PCDHGA4: variants seen among roughly 807,000 people sequenced by gnomAD.
PCDHGA4 encodes protocadherin gamma-A4.
A neutral mutation model predicts 54.6 loss-of-function variants in PCDHGA4; 38 were observed. That is an observed-to-expected ratio of 0.70 (90% CI 0.54 to 0.91). The LOEUF (loss-of-function observed/expected upper bound fraction) is 0.91, where lower values mean the gene tolerates loss of function less well. PCDHGA4 is among the 40% of genes least tolerant of loss of function. The pLI is 0.00. For missense variants in PCDHGA4, 1,298 were observed against 1,220.9 expected (o/e 1.06, Z -0.94); for synonymous variants, 511 against 512.9 (o/e 1.00, Z 0.05).
chr5:141,438,983 T>C (rs1296267457), intron 1 of PCDHGA4, among the ~76,000 whole-genome samples: 1 of 151,930 alleles, frequency 6.6e-6, no homozygotes, highest in Non-Finnish European at 1.5e-5. Context: ...TGACTTATCT[T>C]AAAAGGCTAA....
In PCDHGA4 at chr5:141,477,155, G is replaced by A. The variant is rs2099406190; in HGVS notation, c.2515-17652G>A. ...GTTGGTGGAGGTTGTGGATGTGAATGACAACGCCCCGGAGATCACAGTCAC... is the reference window on the plus strand; with the variant it reads ...GTTGGTGGAGGTTGTGGATGTGAATAACAACGCCCCGGAGATCACAGTCAC... On this transcript the variant is annotated intron_variant, in intron 1 of 3. Coordinates refer to ENST00000571252, the MANE Select transcript of PCDHGA4 (RefSeq NM_018917.4). The surrounding 1 kb of genome is among the most constrained non-coding windows in gnomAD (Gnocchi z 4.9). The A allele has an allele frequency of 6.2e-7, 1 of 1,614,190 alleles. No individual in the cohort carries two copies. The highest frequency in any genetic ancestry group is 8.5e-7 in the Non-Finnish European group (1 of 1,180,042).
At position 141,362,194 on chromosome 5, in the gene PCDHGA4, A is replaced by G. The variant is rs57735633; in HGVS notation, c.2514+4573A>G. Reference sequence around the variant, plus strand: ...CCGGGAGCCCTCTGACCCCCAGGCAAAACTGCAGTTTTACCTGGTTGTGGC... The same window carrying G: ...CCGGGAGCCCTCTGACCCCCAGGCAGAACTGCAGTTTTACCTGGTTGTGGC... On this transcript the variant is annotated intron_variant, in intron 1 of 3. Transcript: ENST00000571252. 152,892 of 1,613,780 alleles carry G rather than the reference A, an allele frequency of 0.095. 8,939 individuals are homozygous for G. Among genetic ancestry groups the G allele is most frequent in the African/African-American group, 0.29 (21,446 of 74,936 alleles).
chr5:141,365,142 A>T (rs1168867612), intron 1 of PCDHGA4: 2 of 1,613,832 alleles, frequency 1.2e-6, no homozygotes, highest in Non-Finnish European at 1.7e-6. Flanking sequence ...GATCCAGATG[A>T]GGGAATAAAC....
At position 141,476,105 on chromosome 5, in the gene PCDHGA4, C is replaced by T; in HGVS notation, c.2515-18702C>T. ...ATCTGGACCCCGCTGAGAGGAACTG[C>T]TTTTGAGTGAGATGGTCCCAGAGGC... On this transcript the variant is annotated intron_variant, in intron 1 of 3. Coordinates refer to ENST00000571252, the MANE Select transcript of PCDHGA4 (RefSeq NM_018917.4). This position sits in a 1 kb window ranked among gnomAD's most constrained non-coding sequence, Gnocchi z 7.6. 2.5e-6 allele frequency: 4 copies of T among 1,585,450 alleles called. No homozygotes were observed. The highest frequency in any genetic ancestry group is 3.4e-6 in the Non-Finnish European group (4 of 1,168,874).
At position 141,356,140 on chromosome 5, in the gene PCDHGA4, T is replaced by C. The variant is rs756946574; in HGVS notation, c.1033T>C (p.Phe345Leu). ...GGGTCTAGATTATGAGGACTCTGGA[T>C]TCTATGACATAGATGTAGAAGCCCA... ...LGGLDYEDSGFYDIDVEAHDG... is the reference protein window; with the variant it reads ...LGGLDYEDSGLYDIDVEAHDG... Residue 345 changes from phenylalanine to leucine, a missense_variant, in exon 1 of 4, where the codon TTC becomes CTC. Transcript: ENST00000571252. 2.0e-5 allele frequency: 32 copies of C among 1,613,616 alleles called. No homozygotes were observed. Among genetic ancestry groups the C allele is most frequent in the Non-Finnish European group, 2.5e-5 (30 of 1,179,778 alleles).
chr5:141,460,454 T>A (rs1010186960), intron 1 of PCDHGA4, among the ~76,000 whole-genome samples: 6 of 152,194 alleles, frequency 3.9e-5, no homozygotes, highest in Admixed American at 3.3e-4. Flanking sequence ...TGAAGATTCA[T>A]ATTTTTTTCC....
chr5:141,424,319 G>A (rs1014361496), intron 1 of PCDHGA4: 1 of 152,006 alleles, frequency 6.6e-6, no homozygotes, highest in African/African-American at 2.4e-5. Context: ...ATATTGACTG[G>A]CTTTTAACTA....
At chr5:141,466,384 T>C (rs1209046694) in intron 1 of PCDHGA4, among the ~76,000 whole-genome samples, 9 of 152,168 alleles carry the variant, frequency 5.9e-5, no homozygotes, top group Non-Finnish European at 1.3e-4. Context: ...ACCCATCTAA[T>C]GGAAAGTTTG....
intron 1 of PCDHGA4, among the ~76,000 whole-genome samples, chr5:141,460,983 GTATATA>G (rs59296681): frequency 0.23 from 32,081 of 137,558 alleles, 4,351 homozygotes; most frequent in African/African-American, 0.39. Context: ...GTGTGTGTGT[GTATATA>G]TATATATGTG....
intron 1 of PCDHGA4, chr5:141,410,748 C>T (rs569108587): frequency 8.8e-6 from 11 of 1,245,288 alleles, no homozygotes; most frequent in Admixed American, 5.8e-5. Flanking sequence ...AATATTTTCT[C>T]AATGTTTTTT....
rs778323048 is a variant in PCDHGA4, at chr5:141,357,701, A to G, written c.2514+80A>G. ...GTAAATGTCTCTCATTTTATATGTA[A>G]TATATCAAATAAAGTTGCCTCTTTT... On this transcript the variant is annotated intron_variant, in intron 1 of 3. Transcript: ENST00000571252. 15 of 1,500,732 alleles carry G rather than the reference A, an allele frequency of 1.0e-5. No homozygotes were observed. The East Asian group carries it at 3.3e-4, about 33-fold the overall frequency. The allele number at this position is 1,500,732 out of a possible 1,614,324, so 93.0% of individuals were successfully genotyped here. A position where few individuals can be genotyped will look rare whatever the true frequency, so the allele number is the denominator to read the frequency against.
rs768015584 is a variant in PCDHGA4 at position 141,356,906 on chromosome 5, C to A, written c.1799C>A (p.Thr600Asn). Residue 600 changes from threonine (T) to asparagine (N), a missense_variant, in exon 1 of 4, where the codon ACT becomes AAT. Transcript: ENST00000571252. ...VPEILYPTFP[T>N]DGSTGVELAP... ...GAGATCCTGTACCCCACCTTCCCTA[C>A]TGATGGCTCCACTGGTGTGGAGCTG... The A allele has an allele frequency of 1.2e-6, 2 of 1,614,228 alleles. No individual in the cohort carries two copies. Among genetic ancestry groups the A allele is most frequent in the Non-Finnish European group, 1.7e-6 (2 of 1,180,036 alleles).
In PCDHGA4 at chr5:141,489,684, T is replaced by A; in HGVS notation, c.2515-5123T>A. 1 of 1,614,180 alleles carries A rather than the reference T, an allele frequency of 6.2e-7. No homozygotes were observed. Among genetic ancestry groups the A allele is most frequent in the South Asian group, 1.1e-5 (1 of 91,078 alleles). ...TGCGCATCTCAGAATCAGCAGCATC[T>A]GGGGCACGATTCCCACTGGACAGTG... On this transcript the variant is annotated intron_variant, in intron 1 of 3. Transcript: ENST00000571252. This position sits in a 1 kb window ranked among gnomAD's most constrained non-coding sequence, Gnocchi z 4.5.
At chr5:141,395,170 AGAAAAATGATTCTT>A in intron 1 of PCDHGA4, 1 of 1,614,214 alleles carries the variant, frequency 6.2e-7, no homozygotes, top group Non-Finnish European at 8.5e-7. Flanking sequence ...GAGGGCTGTG[AGAAAAATGATTCTT>A]TGTTAACATC....
At position 141,489,090 on chromosome 5, in the gene PCDHGA4, C is replaced by A; in HGVS notation, c.2515-5717C>A. On this transcript the variant is annotated intron_variant, in intron 1 of 3. Transcript: ENST00000571252. The surrounding 1 kb of genome is among the most constrained non-coding windows in gnomAD (Gnocchi z 4.5). Reference sequence around the variant, plus strand: ...CCTGCCCACCCCCGCCACTCGGTGACTAAGAACTGCTGCAAGCAGGCAAAC... The same window carrying A: ...CCTGCCCACCCCCGCCACTCGGTGAATAAGAACTGCTGCAAGCAGGCAAAC... The A allele has an allele frequency of 1.5e-5, 5 of 328,802 alleles. No individual in the cohort carries two copies. The highest frequency in any genetic ancestry group is 4.8e-5 in the East Asian group (1 of 20,928). 20.4% of individuals were successfully genotyped at this position (328,802 alleles called of 1,614,324 possible).
chr5:141,360,127 AG>A, intron 1 of PCDHGA4: 4 of 1,586,256 alleles, frequency 2.5e-6, no homozygotes, highest in Non-Finnish European at 2.6e-6. Context: ...GAGCAAAGGG[AG>A]CCAGAAGATG....
chr5:141,382,110 G>A (rs1480214134), intron 1 of PCDHGA4, among the ~76,000 whole-genome samples: 1 of 151,982 alleles, frequency 6.6e-6, no homozygotes, highest in Non-Finnish European at 1.5e-5. Context: ...TTACAGGCGT[G>A]AGCAACAGCA....
intron 1 of PCDHGA4, chr5:141,393,263 A>T: frequency 6.2e-7 from 1 of 1,613,926 alleles, no homozygotes; most frequent in African/African-American, 1.3e-5. Flanking sequence ...TTCCTGGAGC[A>T]CGTTATCCAC....
chr5:141,476,556 C>G lies in PCDHGA4; in HGVS notation c.2515-18251C>G. On this transcript the variant is annotated intron_variant, in intron 1 of 3. Transcript: ENST00000571252. This position sits in a 1 kb window ranked among gnomAD's most constrained non-coding sequence, Gnocchi z 7.6. ...GAAATGAAATTGGAGATTAGCGAGG[C>G]CGTGGCTCCGGGGACGCGCTTTCCG... The G allele has an allele frequency of 6.2e-7, 1 of 1,614,234 alleles. No homozygotes were observed. The highest frequency in any genetic ancestry group is 8.5e-7 in the Non-Finnish European group (1 of 1,180,036).
Sources: gnomAD v4.1 joint callset for allele counts (sites outside exome capture counted in the v4.1 genomes callset) on GRCh38, gnomAD v4.1.1 for gene constraint, Gnocchi (gnomAD v3.1) non-coding constraint, MANE v1.5 for transcripts, NCBI Gene and HGNC (gene_info 2026-07-23, HGNC 2026-07-21) for gene names.